Variants in PCDHGB3 observed in about 807,000 individuals in gnomAD.
PCDHGB3 encodes the protein protocadherin gamma-B3.
In PCDHGB3, 40 loss-of-function variants were observed where a neutral mutation model predicts 59.2. That is an observed-to-expected ratio of 0.68 (90% CI 0.52 to 0.88). The LOEUF (loss-of-function observed/expected upper bound fraction) is 0.88. PCDHGB3 is among the 40% of genes least tolerant of loss of function. The pLI, the probability that PCDHGB3 is intolerant of heterozygous loss-of-function variation, is 0.00. For synonymous variants in PCDHGB3, 581 were observed against 503.6 expected, an observed-to-expected ratio of 1.15 and a Z score of -2.06; for missense variants, 1,309 against 1,187.9, an observed-to-expected ratio of 1.10 and a Z score of -1.50.
intron 1 of PCDHGB3, chr5:141,375,537 C>T: frequency 6.2e-7 from 1 of 1,614,048 alleles, no homozygotes; most frequent in Non-Finnish European, 8.5e-7. Context: ...GACCAGAACG[C>T]CCAAGTCTCC....
At chr5:141,463,034 G>A (rs2099051345) in intron 1 of PCDHGB3, among the ~76,000 whole-genome samples, 2 of 152,112 alleles carry the variant, frequency 1.3e-5, no homozygotes, top group African/African-American at 4.8e-5. Flanking sequence ...ATTAATCTGA[G>A]TGTTCAGCAG....
chr5:141,453,869 G>A (rs887544235), intron 1 of PCDHGB3, among the ~76,000 whole-genome samples: 9 of 152,144 alleles, frequency 5.9e-5, no homozygotes, highest in Non-Finnish European at 1.2e-4. Context: ...TAACAGATGA[G>A]CAAAATAATG....
Position 141,374,077 on chromosome 5 carries a change from G to A in PCDHGB3, c.2415+1268G>A, listed in dbSNP as rs530727064. 38 of 1,515,728 alleles carry A rather than the reference G, an allele frequency of 2.5e-5. No individual in the cohort carries two copies. The African/African-American group carries it at 3.6e-4, about 14-fold the overall frequency. 93.9% of individuals were successfully genotyped at this position (1,515,728 alleles called of 1,614,324 possible). A position where few individuals can be genotyped will look rare whatever the true frequency, so the allele number is the denominator to read the frequency against. ...TTAATCCCAGAGAAGTTCCTAATAA[G>A]CCAGTAATGGCGCCTCCGCAGAGGC... On this transcript the variant is annotated intron_variant, in intron 1 of 3. Coordinates refer to ENST00000576222, the MANE Select transcript of PCDHGB3 (RefSeq NM_018924.5).
chr5:141,420,401 A>G, intron 1 of PCDHGB3: 1 of 1,249,172 alleles, frequency 8.0e-7, no homozygotes. Flanking sequence ...GGTCAAATTT[A>G]TGGTTATCAT....
chr5:141,376,676 G>GTCTTTTTTT (rs1773033495), intron 1 of PCDHGB3: 1 of 275,812 alleles, frequency 3.6e-6, no homozygotes, highest in Admixed American at 6.8e-5. Context: ...TGAGGGTATC[G>GTCTTTTTTT]TTTTTTTTTT....
chr5:141,375,842 C>CT (rs1331781655), intron 1 of PCDHGB3: 1 of 1,614,004 alleles, frequency 6.2e-7, no homozygotes, highest in Non-Finnish European at 8.5e-7. Flanking sequence ...GCCCGGCTAC[C>CT]TGGTGACCAA....
chr5:141,400,168 C>G, intron 1 of PCDHGB3: 1 of 1,614,088 alleles, frequency 6.2e-7, no homozygotes, highest in South Asian at 1.1e-5. Context: ...CTCTGACCCC[C>G]AGGCTGAGCT....
Position 141,371,577 on chromosome 5 carries a change from G to A in PCDHGB3, c.1183G>A (p.Val395Ile), listed in dbSNP as rs202142331. The A allele has an allele frequency of 9.5e-4, 1,537 of 1,613,860 alleles. 3 individuals carry two copies. The highest frequency in any genetic ancestry group is 1.3e-3 in the Middle Eastern group (8 of 6,062). Residue 395 changes from valine (V) to isoleucine (I), a missense_variant, in exon 1 of 4, where the codon GTT becomes ATT. Transcript: ENST00000576222. ...QLKGNFPFKIVQDTKNTYRLV... is the reference protein window; with the variant it reads ...QLKGNFPFKIIQDTKNTYRLV... The stretch of plus-strand genomic sequence containing the variant: ...AAAAGGAAACTTCCCCTTTAAAATC[G>A]TTCAAGATACCAAAAACACATACAG...
intron 1 of PCDHGB3, chr5:141,418,292 T>A: frequency 6.2e-7 from 1 of 1,613,988 alleles, no homozygotes. Context: ...AATCAGTGAA[T>A]CCGTCAGCCT....
intron 1 of PCDHGB3, among the ~76,000 whole-genome samples, chr5:141,455,138 TTAAA>T (rs1193499111): frequency 1.3e-5 from 2 of 151,028 alleles, no homozygotes; most frequent in Admixed American, 1.3e-4. Context: ...TTACACTGTG[TTAAA>T]TAAATATTAG....
chr5:141,414,515 C>T, intron 1 of PCDHGB3: 1 of 1,613,958 alleles, frequency 6.2e-7, no homozygotes, highest in Non-Finnish European at 8.5e-7. Flanking sequence ...CTACAAGTGG[C>T]AGATATCAAT....
chr5:141,425,486 C>T (rs2096878743), intron 1 of PCDHGB3, among the ~76,000 whole-genome samples: 1 of 152,236 alleles, frequency 6.6e-6, no homozygotes, highest in African/African-American at 2.4e-5. Context: ...TGGCAACCTA[C>T]TAGGCTATAC....
chr5:141,418,513 G>A (rs377653202), intron 1 of PCDHGB3: 1 of 1,613,960 alleles, frequency 6.2e-7, no homozygotes, highest in Non-Finnish European at 8.5e-7. Flanking sequence ...TAGATGGTGG[G>A]GACCCTCCCC....
At chr5:141,405,476 G>A (rs1214119236) in intron 1 of PCDHGB3, 1 of 1,048,044 alleles carries the variant, frequency 9.5e-7, no homozygotes, top group Non-Finnish European at 1.4e-6. Flanking sequence ...CTGGAATGCA[G>A]TGGTGTGATC....
At chr5:141,373,971 C>A in intron 1 of PCDHGB3, 2 of 1,026,814 alleles carry the variant, frequency 1.9e-6, no homozygotes, top group Non-Finnish European at 2.7e-6. Flanking sequence ...AAACGCTTCG[C>A]ATCCGGTCTC....
At chr5:141,395,543 TGTGTGTG>T in intron 1 of PCDHGB3, 1 of 8,204 alleles carries the variant, frequency 1.2e-4, no homozygotes, top group Non-Finnish European at 2.0e-4. Context: ...TGCTATTGTT[TGTGTGTG>T]TGTGTGTGTG....
intron 1 of PCDHGB3, chr5:141,414,518 A>G (rs746198767): frequency 1.9e-6 from 3 of 1,614,000 alleles, no homozygotes; most frequent in Non-Finnish European, 2.5e-6. Flanking sequence ...CAAGTGGCAG[A>G]TATCAATGAC....
chr5:141,397,639 G>A (rs1391771739), intron 1 of PCDHGB3, among the ~76,000 whole-genome samples: 2 of 152,180 alleles, frequency 1.3e-5, no homozygotes, highest in Non-Finnish European at 2.9e-5. Context: ...AGAGTTCAAG[G>A]TATGTTTGCA....
At chr5:141,433,123 C>A in intron 1 of PCDHGB3, 1 of 1,614,116 alleles carries the variant, frequency 6.2e-7, no homozygotes, top group Non-Finnish European at 8.5e-7. Context: ...TTGAAAAAAG[C>A]GAGCCCCTTT....
Sources: gnomAD v4.1 joint callset for allele counts (sites outside exome capture counted in the v4.1 genomes callset) on GRCh38, gnomAD v4.1.1 for gene constraint, MANE v1.5 for transcripts, NCBI Gene and HGNC (gene_info 2026-07-23, HGNC 2026-07-21) for gene names.